Variants in MYO5B observed in about 807,000 individuals in gnomAD.
MYO5B encodes unconventional myosin-Vb.
MYO5B carries 143 observed loss-of-function variants against 229.3 expected under a neutral mutation model. That is an observed-to-expected ratio of 0.62 (90% confidence interval 0.54 to 0.72). The LOEUF is 0.72. MYO5B is among the 30% of genes least tolerant of loss of function. MYO5B has a pLI of 0.00. For synonymous variants in MYO5B, 918 were observed against 885.2 expected (o/e 1.04, Z -0.66); for missense variants, 2,321 against 2,331.0 (o/e 1.00, Z 0.09).
At chr18:50,009,441 A>G (rs963715491) in intron 4 of MYO5B, among the ~76,000 whole-genome samples, 1 of 152,230 alleles carries the variant, frequency 6.6e-6, no homozygotes, top group Non-Finnish European at 1.5e-5. Flanking sequence ...AAGCGAAATG[A>G]AACAACAGAA....
intron 25 of MYO5B, 41 bp from the exon 26 acceptor site, chr18:49,875,868 T>C (rs1438877063): frequency 1.2e-6 from 2 of 1,612,052 alleles, no homozygotes; most frequent in South Asian, 2.2e-5. Context: ...TTTTCCTAAA[T>C]ACATGCCTTA....
chr18:50,017,243 G>A (rs933687615), intron 4 of MYO5B, among the ~76,000 whole-genome samples: 1 of 152,124 alleles, frequency 6.6e-6, no homozygotes, highest in African/African-American at 2.4e-5. Context: ...TCAGCCTCCC[G>A]AGTGGCTGGG....
intron 1 of MYO5B, among the ~76,000 whole-genome samples, chr18:50,132,691 T>C (rs1222651903): frequency 6.6e-6 from 1 of 152,232 alleles, no homozygotes; most frequent in Non-Finnish European, 1.5e-5. Flanking sequence ...GAATAGATTA[T>C]GGTGGTTGCC....
chr18:49,877,715 C>T lies in MYO5B; in HGVS notation c.3396+48G>A, dbSNP rs565558972. 49 of 1,612,212 alleles carry T rather than the reference C, an allele frequency of 3.0e-5. No individual in the cohort carries two copies. The South Asian group carries it at 5.1e-4, about 17-fold the overall frequency. On this transcript the variant is annotated intron_variant, in intron 25 of 39. Coordinates refer to ENST00000285039, the MANE Select transcript of MYO5B (RefSeq NM_001080467.3). ...GGACAGTTCCACACAGAAAAAAACA[C>T]ACACTCCCTCTGGAGGAGGACAGTA...
rs111352084 is a variant in MYO5B, at chr18:49,832,123, T to C, written c.5394+3221A>G. 6.8e-3 allele frequency among the ~76,000 whole-genome samples: 1,036 copies of C among 152,232 alleles called. 12 individuals are homozygous for C. The highest frequency in any genetic ancestry group is 0.023 in the African/African-American group (965 of 41,536). ...TAGGATGATGAAAGAATTTTGGAAA[T>C]AGTGGTGATGGTTATGTAATATTGT... is the stretch of plus-strand genomic sequence containing the variant. On this transcript the variant is annotated intron_variant, in intron 39 of 39. Coordinates refer to ENST00000285039, the MANE Select transcript of MYO5B (RefSeq NM_001080467.3).
At chr18:50,079,718 G>C (rs2031170688) in intron 1 of MYO5B, among the ~76,000 whole-genome samples, 1 of 151,834 alleles carries the variant, frequency 6.6e-6, no homozygotes, top group Non-Finnish European at 1.5e-5. Flanking sequence ...AGGTGGCATG[G>C]GATGGGCGGG....
chr18:49,858,712 G>A (rs2024292630), intron 29 of MYO5B, among the ~76,000 whole-genome samples: 1 of 152,238 alleles, frequency 6.6e-6, no homozygotes, highest in Non-Finnish European at 1.5e-5. Flanking sequence ...TCTTAATTCT[G>A]TAACAAGCCA....
chr18:50,053,365 G>A (rs976541273), intron 2 of MYO5B, among the ~76,000 whole-genome samples: 5 of 152,186 alleles, frequency 3.3e-5, no homozygotes, highest in Non-Finnish European at 7.3e-5. Flanking sequence ...TTTCAGCAGG[G>A]TGGGCGAGCA....
intron 1 of MYO5B, among the ~76,000 whole-genome samples, chr18:50,072,253 A>AC (rs71169475): frequency 1.3e-5 from 2 of 151,678 alleles, no homozygotes; most frequent in Non-Finnish European, 1.5e-5. Flanking sequence ...AAAAAAAAAA[A>AC]CTAACATTTA....
chr18:50,119,516 C>G (rs965460699), intron 1 of MYO5B, among the ~76,000 whole-genome samples: 1 of 152,266 alleles, frequency 6.6e-6, no homozygotes, highest in East Asian at 1.9e-4. Context: ...GTTCGCATGA[C>G]AGGGTCAGAG....
At chr18:50,036,413 G>A (rs1473973669) in intron 4 of MYO5B, among the ~76,000 whole-genome samples, 1 of 152,206 alleles carries the variant, frequency 6.6e-6, no homozygotes, top group Non-Finnish European at 1.5e-5. Flanking sequence ...GCCCTTACGT[G>A]CTTGGCATCC....
In MYO5B at chr18:49,906,227, C is replaced by T. The variant is rs530463421; in HGVS notation, c.2414+192G>A. 9.2e-5 allele frequency among the ~76,000 whole-genome samples: 14 copies of T among 152,234 alleles called. No individual in the cohort carries two copies. The South Asian group carries it at 2.7e-3, about 29-fold the overall frequency. On this transcript the variant is annotated intron_variant, in intron 19 of 39. Coordinates refer to ENST00000285039, the MANE Select transcript of MYO5B (RefSeq NM_001080467.3). ...AAACCAGGAGATGTGGAAACTAGAC[C>T]TACCCCCTGAGGTGAGAAGGCATTG...
In MYO5B at chr18:49,962,365, C is replaced by A; in HGVS notation, c.1446G>T (p.Gln482His). The A allele has an allele frequency of 1.2e-6, 2 of 1,614,206 alleles. No homozygotes were observed. Among genetic ancestry groups the A allele is most frequent in the South Asian group, 1.1e-5 (1 of 91,072 alleles). Residue 482 changes from glutamine (Q) to histidine (H), a missense_variant, in exon 12 of 40, where the codon CAG (glutamine) becomes CAT (histidine). Physicochemically the swap from Gln to His is conservative, Grantham distance 24 (BLOSUM62 0). Transcript: ENST00000285039. ...AAAAATCAATCAGGGTCCAAGGGAT[C>A]TGTTCCTTCATGTATTCTTCTTGCT... ...KLEQEEYMKE[Q>H]IPWTLIDFYD...
intron 16 of MYO5B, among the ~76,000 whole-genome samples, chr18:49,932,250 T>C (rs1384509706): frequency 6.6e-6 from 1 of 152,208 alleles, no homozygotes; most frequent in Non-Finnish European, 1.5e-5. Context: ...GGCCAGGCAA[T>C]GGCTCACTTG....
intron 5 of MYO5B, among the ~76,000 whole-genome samples, chr18:49,996,139 G>A (rs1304430837): frequency 6.6e-6 from 1 of 152,196 alleles, no homozygotes; most frequent in East Asian, 1.9e-4. Context: ...TGATAGCTTA[G>A]GAAAACTTTG....
intron 28 of MYO5B, 42 bp downstream of exon 28, chr18:49,864,099 G>A: frequency 6.2e-7 from 1 of 1,600,396 alleles, no homozygotes; most frequent in Non-Finnish European, 8.5e-7. Context: ...ACCACCTAGG[G>A]TCACCCCTCG....
chr18:50,080,730 G>C (rs914302607), intron 1 of MYO5B, among the ~76,000 whole-genome samples: 1 of 152,194 alleles, frequency 6.6e-6, no homozygotes, highest in Non-Finnish European at 1.5e-5. Context: ...ATGTACGAAG[G>C]ATGGTGCCAG....
At chr18:49,873,351 C>T (rs1474387564) in intron 26 of MYO5B, among the ~76,000 whole-genome samples, 4 of 149,756 alleles carry the variant, frequency 2.7e-5, no homozygotes, top group Admixed American at 6.7e-5. Flanking sequence ...AGATTACCTA[C>T]GTGCTAGCTA....
At chr18:49,882,529 G>A (rs528194007) in intron 22 of MYO5B, among the ~76,000 whole-genome samples, 2 of 147,974 alleles carry the variant, frequency 1.4e-5, no homozygotes, top group Admixed American at 6.9e-5. Flanking sequence ...TTGGGAGGCC[G>A]AAGCAGGTGA....
Sources: allele counts gnomAD v4.1 joint callset (sites outside exome capture counted in the v4.1 genomes callset), GRCh38; gene constraint gnomAD v4.1.1; transcripts MANE v1.5; gene names NCBI Gene and HGNC (gene_info 2026-07-23, HGNC 2026-07-21).